Variants in TSG101 observed in about 807,000 individuals in gnomAD.
TSG101 encodes the protein tumor susceptibility gene 101 protein.
In TSG101, 19 loss-of-function variants were observed where a neutral mutation model predicts 48.5. That is an observed-to-expected ratio of 0.39 (90% CI 0.27 to 0.58). TSG101 has a LOEUF of 0.58. Among genes scored for constraint, TSG101 ranks in the 20% least tolerant of loss-of-function variants. The pLI is 0.55. For missense variants in TSG101, 365 were observed against 484.4 expected, an observed-to-expected ratio of 0.75 and a Z score of 2.31; for synonymous variants, 174 against 169.4, an observed-to-expected ratio of 1.03 and a Z score of -0.21.
At chr11:18,511,778 TTAG>T (rs1447403707) in intron 4 of TSG101, among the ~76,000 whole-genome samples, 1 of 152,180 alleles carries the variant, frequency 6.6e-6, no homozygotes, top group Non-Finnish European at 1.5e-5. Context: ...CCTGTACTCA[TTAG>T]TAGTCACTTC....
chr11:18,506,488 T>G (rs1590281576), intron 6 of TSG101, among the ~76,000 whole-genome samples: 1 of 151,656 alleles, frequency 6.6e-6, no homozygotes, highest in African/African-American at 2.4e-5. Flanking sequence ...GTCAGGAGTT[T>G]GAGACCAGCC....
intron 7 of TSG101, among the ~76,000 whole-genome samples, chr11:18,485,337 C>A (rs1454347630): frequency 6.6e-6 from 1 of 152,172 alleles, no homozygotes; most frequent in Non-Finnish European, 1.5e-5. Context: ...AGAATCTGCT[C>A]TCTCTTAACA....
At chr11:18,497,870 T>C (rs1423403809) in intron 7 of TSG101, among the ~76,000 whole-genome samples, 1 of 152,196 alleles carries the variant, frequency 6.6e-6, no homozygotes, top group Non-Finnish European at 1.5e-5. Context: ...GAATAGTGTG[T>C]ATCAATGAGA....
At chr11:18,508,877 T>G (rs1436346363) in intron 5 of TSG101, 1 of 149,504 alleles carries the variant, frequency 6.7e-6, no homozygotes, top group African/African-American at 2.4e-5. Flanking sequence ...CAAAACACAG[T>G]GAAATCAATG....
At chr11:18,496,460 A>C (rs199742708) in intron 7 of TSG101, among the ~76,000 whole-genome samples, 2,212 of 133,760 alleles carry the variant, frequency 0.017, 49 homozygotes, top group East Asian at 0.065. Flanking sequence ...AATAAAATAA[A>C]ATAAAATAAA....
At chr11:18,487,807 T>C (rs959173099) in intron 7 of TSG101, among the ~76,000 whole-genome samples, 3 of 152,238 alleles carry the variant, frequency 2.0e-5, no homozygotes, top group Non-Finnish European at 2.9e-5. Context: ...TCCTTTTCCA[T>C]TGCTCCATGT....
intron 7 of TSG101, among the ~76,000 whole-genome samples, chr11:18,484,892 ATAC>A (rs2133902878): frequency 6.6e-6 from 1 of 150,708 alleles, no homozygotes; most frequent in South Asian, 2.1e-4. Flanking sequence ...TGATTATAAA[ATAC>A]TACGTGAGGA....
intron 7 of TSG101, among the ~76,000 whole-genome samples, chr11:18,494,670 G>A (rs1414102566): frequency 6.6e-6 from 1 of 152,200 alleles, no homozygotes; most frequent in African/African-American, 2.4e-5. Context: ...TTATCCTGAA[G>A]ATGAGGCAGT....
At chr11:18,496,241 A>G (rs923067962) in intron 7 of TSG101, among the ~76,000 whole-genome samples, 5 of 151,968 alleles carry the variant, frequency 3.3e-5, no homozygotes, top group African/African-American at 9.7e-5. Flanking sequence ...AGGCAGGTGG[A>G]TCACCTGAGG....
chr11:18,511,285 T>C (rs1180953909), intron 4 of TSG101: 1 of 152,348 alleles, frequency 6.6e-6, no homozygotes, highest in East Asian at 1.9e-4. Context: ...CTTCTTTTAA[T>C]ACTCCTGACA....
rs758080689 is a variant in TSG101, at chr11:18,516,187, T to G, written c.128-23A>C. On this transcript the variant is annotated intron_variant, in intron 2 of 9. Coordinates refer to ENST00000251968, the MANE Select transcript of TSG101 (RefSeq NM_006292.4). ...AAACTGAAAGGAAAGAACAATGATTTAATCATGAGCATTTTTTAAGATACT... is the reference window on the plus strand; with the variant it reads ...AAACTGAAAGGAAAGAACAATGATTGAATCATGAGCATTTTTTAAGATACT... 2.5e-6 allele frequency: 4 copies of G among 1,605,626 alleles called. No individual in the cohort carries two copies. The South Asian group carries it at 3.3e-5, about 13-fold the overall frequency.
At chr11:18,499,211 A>AT (rs1849832942) in intron 7 of TSG101, among the ~76,000 whole-genome samples, 1 of 124,530 alleles carries the variant, frequency 8.0e-6, no homozygotes, top group South Asian at 2.2e-4. Context: ...ATATATATAA[A>AT]ATATATATAT....
intron 6 of TSG101, among the ~76,000 whole-genome samples, chr11:18,503,900 C>T (rs1407967486): frequency 6.6e-6 from 1 of 151,998 alleles, no homozygotes; most frequent in Admixed American, 6.6e-5. Context: ...ATTAAAATTA[C>T]TGATTAAAAA....
At chr11:18,499,163 G>C (rs1410611948) in intron 7 of TSG101, among the ~76,000 whole-genome samples, 1 of 143,620 alleles carries the variant, frequency 7.0e-6, no homozygotes, top group African/African-American at 2.6e-5. Flanking sequence ...GTGGTGGCAG[G>C]AAAAGTGGAA....
At position 18,481,739 on chromosome 11, in the gene TSG101, T is replaced by C. The variant is rs761853544; in HGVS notation, c.974A>G (p.Tyr325Cys). The change falls in exon 9 of 10, where the codon TAC becomes TGC. Residue 325 changes from tyrosine (Y) to cysteine (C), a missense_variant. Physicochemically the swap from Tyr to Cys is radical, Grantham distance 194. Coordinates refer to ENST00000251968, the MANE Select transcript of TSG101 (RefSeq NM_006292.4). ...DEVIIPTAPLYKQILNLYAEE... is the reference protein window; with the variant it reads ...DEVIIPTAPLCKQILNLYAEE... ...TGCATACAGATTCAGGATCTGTTTG[T>C]ATAAGGGAGCTGTGGGAATGATAAC... is the stretch of plus-strand genomic sequence containing the variant. The C allele has an allele frequency of 6.2e-7, 1 of 1,614,182 alleles. No individual in the cohort carries two copies. The highest frequency in any genetic ancestry group is 1.1e-5 in the South Asian group (1 of 91,088).
intron 7 of TSG101, among the ~76,000 whole-genome samples, chr11:18,492,521 T>C (rs1033164825): frequency 2.0e-5 from 3 of 152,338 alleles, no homozygotes; most frequent in Middle Eastern, 3.4e-3. Flanking sequence ...TCTGTTTCTC[T>C]TTATAGAATA....
At chr11:18,490,060 G>T (rs1362616451) in intron 7 of TSG101, among the ~76,000 whole-genome samples, 2 of 147,356 alleles carry the variant, frequency 1.4e-5, no homozygotes, top group Non-Finnish European at 3.0e-5. Flanking sequence ...TGGCATTTAT[G>T]TGACCAATCT....
intron 1 of TSG101, 132 bp downstream of exon 1, chr11:18,526,643 G>A (rs1289161659): frequency 1.9e-6 from 2 of 1,062,868 alleles, no homozygotes; most frequent in African/African-American, 1.6e-5. Flanking sequence ...GGGTTCTGAG[G>A]AGGTCGCTAA....
chr11:18,521,732 G>A lies in TSG101; in HGVS notation c.43-2129C>T, dbSNP rs554606191. On this transcript the variant is annotated intron_variant, in intron 1 of 9. Transcript: ENST00000251968. ...GTGGCTGTCACCCAGGCTGGAGTGC[G>A]GTGGTGTGATCTCAGTTCACTGCAA... 2.9e-5 allele frequency among the ~76,000 whole-genome samples: 4 copies of A among 139,960 alleles called. No individual in the cohort carries two copies. The East Asian group carries it at 6.3e-4, about 22-fold the overall frequency. 91.8% of individuals were successfully genotyped at this position (139,960 alleles called of 152,430 possible).
Sources: gnomAD v4.1 joint callset for allele counts (sites outside exome capture counted in the v4.1 genomes callset) on GRCh38, gnomAD v4.1.1 for gene constraint, MANE v1.5 for transcripts, NCBI Gene and HGNC (gene_info 2026-07-23, HGNC 2026-07-21) for gene names.